TTC28: variants seen among roughly 807,000 people sequenced by gnomAD.
TTC28 encodes tetratricopeptide repeat protein 28.
TTC28 carries 61 observed loss-of-function variants against 198.0 expected under a neutral mutation model. The observed-to-expected ratio is 0.31, with a 90% confidence interval of 0.25 to 0.38. TTC28 has a LOEUF of 0.38. Among genes scored for constraint, TTC28 ranks in the 10% least tolerant of loss-of-function variants. The pLI is 1.00. For synonymous variants in TTC28, 1,171 were observed against 1,297.8 expected, an observed-to-expected ratio of 0.90 and a Z score of 2.10; for missense variants, 2,678 against 3,164.0, an observed-to-expected ratio of 0.85 and a Z score of 3.69.
Position 28,168,371 on chromosome 22 carries a change from T to C in TTC28, c.934-4772A>G, listed in dbSNP as rs559664566. Among the ~76,000 whole-genome samples, 21 of 152,300 alleles carry C rather than the reference T, an allele frequency of 1.4e-4. No homozygotes were observed. The East Asian group carries it at 1.7e-3, about 13-fold the overall frequency. On this transcript the variant is annotated intron_variant, in intron 5 of 22. Coordinates refer to ENST00000397906, the MANE Select transcript of TTC28 (RefSeq NM_001145418.2). ...AAGAGCCCGCATTGCCAAGTCAATC[T>C]TAAGCCAAAAGAGCAAAGCTGGAGG...
At chr22:28,594,357 T>C (rs2050498833) in intron 2 of TTC28, among the ~76,000 whole-genome samples, 1 of 151,504 alleles carries the variant, frequency 6.6e-6, no homozygotes, top group South Asian at 2.1e-4. Context: ...TCTGTCAAGA[T>C]GCCTAACCCT....
chr22:28,660,469 G>A lies in TTC28; in HGVS notation c.102+19153C>T, dbSNP rs1388132259. Among the ~76,000 whole-genome samples, 7 of 152,030 alleles carry A rather than the reference G, an allele frequency of 4.6e-5. No individual in the cohort carries two copies. In the East Asian group the frequency reaches 1.4e-3, roughly 29 times the overall value. On this transcript the variant is annotated intron_variant, in intron 1 of 22. Coordinates refer to ENST00000397906, the MANE Select transcript of TTC28 (RefSeq NM_001145418.2). The stretch of plus-strand genomic sequence containing the variant: ...GCCTCCCAAGTAGCTGGGACTGCAG[G>A]CACACACCACCACACCCGGCTAATT...
chr22:28,319,002 AT>A (rs1023834611), intron 2 of TTC28, among the ~76,000 whole-genome samples: 1 of 151,600 alleles, frequency 6.6e-6, no homozygotes, highest in East Asian at 1.9e-4. Context: ...ATTAAAAAAA[AT>A]TTTTTGTAGA....
chr22:27,989,744 G>A, intron 21 of TTC28, 134 bp downstream of exon 21: 1 of 1,216,418 alleles, frequency 8.2e-7, no homozygotes, highest in Non-Finnish European at 1.1e-6. Flanking sequence ...ACTGTACCCA[G>A]CCTGAGTTAA....
At position 28,521,065 on chromosome 22, in the gene TTC28, CAA is replaced by C. The variant is rs2048895830; in HGVS notation, c.381+108485_381+108486del. 5.3e-5 allele frequency among the ~76,000 whole-genome samples: 8 copies of C among 151,860 alleles called. No homozygotes were observed. In the South Asian group the frequency reaches 1.7e-3, roughly 32 times the overall value. On this transcript the variant is annotated intron_variant, in intron 2 of 22. Coordinates refer to ENST00000397906, the MANE Select transcript of TTC28 (RefSeq NM_001145418.2). ...AGACTCTATCTCGAACAAAACAAAACAAAACAAATTCCTCCAAAAATCCAAAT... is the reference window on the plus strand; with the variant it reads ...AGACTCTATCTCGAACAAAACAAAACAACAAATTCCTCCAAAAATCCAAAT...
chr22:28,468,579 C>T (rs1418633553), intron 2 of TTC28, among the ~76,000 whole-genome samples: 2 of 151,452 alleles, frequency 1.3e-5, no homozygotes, highest in Non-Finnish European at 2.9e-5. Flanking sequence ...TGCAATGGCA[C>T]ACTGCAAGCT....
At chr22:28,577,599 C>G (rs1023934239) in intron 2 of TTC28, among the ~76,000 whole-genome samples, 4 of 151,998 alleles carry the variant, frequency 2.6e-5, no homozygotes, top group African/African-American at 9.7e-5. Flanking sequence ...ATTGGGATCT[C>G]TCTCTCTCTT....
rs1569137786 is a variant in TTC28, at chr22:28,099,138, A to G, written c.3418-94T>C. ...ACAACTTTTGCTCATATCTTTGTGC[A>G]CAACCTAAATATTTTTTACAGATTT... On this transcript the variant is annotated intron_variant, in intron 9 of 22. Coordinates refer to ENST00000397906, the MANE Select transcript of TTC28 (RefSeq NM_001145418.2). 8 of 1,467,506 alleles carry G rather than the reference A, an allele frequency of 5.5e-6. No individual in the cohort carries two copies. In the East Asian group the frequency reaches 2.0e-4, roughly 36 times the overall value. The allele number at this position is 1,467,506 out of a possible 1,614,324, so 90.9% of individuals were successfully genotyped here. A position where few individuals can be genotyped will look rare whatever the true frequency, so the allele number is the denominator to read the frequency against.
At position 28,107,364 on chromosome 22, in the gene TTC28, C is replaced by G; in HGVS notation, c.2481G>C (p.Leu827=). 1 of 1,551,954 alleles carries G rather than the reference C, an allele frequency of 6.4e-7. No individual in the cohort carries two copies. Among genetic ancestry groups the G allele is most frequent in the Non-Finnish European group, 8.7e-7 (1 of 1,147,042 alleles). ...YEEQLDLGQK[L]KDPSLEAQVY... Reference sequence around the variant, plus strand: ...CCTGGGCTTCCAGACTCGGATCCTTCAGCTTTTGCCCTAGATCCAGTTGCT... The same window carrying G: ...CCTGGGCTTCCAGACTCGGATCCTTGAGCTTTTGCCCTAGATCCAGTTGCT... Residue 827 remains leucine, a synonymous_variant, in exon 7 of 23, where the codon CTG becomes CTC. Coordinates refer to ENST00000397906, the MANE Select transcript of TTC28 (RefSeq NM_001145418.2).
intron 5 of TTC28, among the ~76,000 whole-genome samples, chr22:28,241,003 A>C (rs1173182067): frequency 1.3e-5 from 2 of 152,186 alleles, no homozygotes; most frequent in Non-Finnish European, 2.9e-5. Context: ...ATATAGAAGG[A>C]AGGAACAGAA....
intron 7 of TTC28, among the ~76,000 whole-genome samples, chr22:28,106,713 G>A (rs568833110): frequency 2.6e-5 from 4 of 152,226 alleles, no homozygotes; most frequent in South Asian, 2.1e-4. Context: ...AAAGATCAGC[G>A]AAAGTGACTC....
intron 2 of TTC28, among the ~76,000 whole-genome samples, chr22:28,505,505 C>G (rs540464086): frequency 6.6e-6 from 1 of 152,076 alleles, no homozygotes; most frequent in Non-Finnish European, 1.5e-5. Flanking sequence ...CCAAAGGAAC[C>G]CCCACCCCCA....
At chr22:28,349,755 T>C (rs2045964399) in intron 2 of TTC28, among the ~76,000 whole-genome samples, 1 of 152,232 alleles carries the variant, frequency 6.6e-6, no homozygotes, top group South Asian at 2.1e-4. Context: ...TGTAAGAAAG[T>C]ATTATAATTT....
At chr22:28,082,571 C>A (rs1941407471) in intron 12 of TTC28, among the ~76,000 whole-genome samples, 1 of 152,174 alleles carries the variant, frequency 6.6e-6, no homozygotes, top group Non-Finnish European at 1.5e-5. Context: ...CACAGGTGAA[C>A]CATCCTTATA....
chr22:28,204,213 C>T (rs1392083778), intron 5 of TTC28, among the ~76,000 whole-genome samples: 2 of 152,114 alleles, frequency 1.3e-5, no homozygotes, highest in Non-Finnish European at 2.9e-5. Context: ...AAAGACATCC[C>T]ACTCTCTTCT....
chr22:28,590,468 T>C (rs2050408156), intron 2 of TTC28, among the ~76,000 whole-genome samples: 1 of 152,158 alleles, frequency 6.6e-6, no homozygotes, highest in Non-Finnish European at 1.5e-5. Context: ...AGTAATACTC[T>C]CTGGCTAGGT....
intron 2 of TTC28, among the ~76,000 whole-genome samples, chr22:28,440,250 T>C (rs1375952525): frequency 6.6e-6 from 1 of 152,092 alleles, no homozygotes; most frequent in Admixed American, 6.6e-5. Context: ...TATTGCACTC[T>C]AGAAGACTGG....
intron 5 of TTC28, among the ~76,000 whole-genome samples, chr22:28,224,091 G>A (rs1809197695): frequency 6.6e-6 from 1 of 152,202 alleles, no homozygotes; most frequent in Non-Finnish European, 1.5e-5. Context: ...CTGGCAACTA[G>A]TGGGCAGAGG....
At chr22:28,662,305 T>A (rs780727109) in intron 1 of TTC28, among the ~76,000 whole-genome samples, 7 of 152,214 alleles carry the variant, frequency 4.6e-5, no homozygotes, top group Non-Finnish European at 7.3e-5. Context: ...AAGGTAGTTA[T>A]AATTGATCAC....
Sources: gnomAD v4.1 joint callset for allele counts (sites outside exome capture counted in the v4.1 genomes callset) on GRCh38, gnomAD v4.1.1 for gene constraint, MANE v1.5 for transcripts, NCBI Gene and HGNC (gene_info 2026-07-23, HGNC 2026-07-21) for gene names.